Variants in AGL observed in about 807,000 individuals in gnomAD.
AGL encodes amylo-alpha-1,6-glucosidase and 4-alpha-glucanotransferase.
A neutral mutation model predicts 199.3 loss-of-function variants in AGL; 128 were observed. That is an observed-to-expected ratio of 0.64 (90% CI 0.56 to 0.74). The LOEUF (loss-of-function observed/expected upper bound fraction) is 0.74, where lower values mean the gene tolerates loss of function less well. Ranked by LOEUF, AGL falls within the 30% of genes least tolerant of loss-of-function variation. The pLI is 0.00. For synonymous variants in AGL, 584 were observed against 594.7 expected, an observed-to-expected ratio of 0.98 and a Z score of 0.26; for missense variants, 1,809 against 1,820.8, an observed-to-expected ratio of 0.99 and a Z score of 0.12.
intron 2 of AGL, among the ~76,000 whole-genome samples, chr1:99,859,188 G>A (rs553448673): frequency 6.6e-6 from 1 of 152,148 alleles, no homozygotes; most frequent in Non-Finnish European, 1.5e-5. Flanking sequence ...AGTCATTCTT[G>A]TGAGATGTAA....
At chr1:99,899,628 T>G (rs913822167) in intron 25 of AGL, among the ~76,000 whole-genome samples, 1 of 150,630 alleles carries the variant, frequency 6.6e-6, no homozygotes, top group Non-Finnish European at 1.5e-5. Context: ...TTTCTTTTCT[T>G]TCTTTTTTTT....
At chr1:99,897,111 G>T (rs547194421) in intron 25 of AGL, among the ~76,000 whole-genome samples, 1 of 152,134 alleles carries the variant, frequency 6.6e-6, no homozygotes, top group Non-Finnish European at 1.5e-5. Flanking sequence ...CACCGTGCCC[G>T]GCCGTAAAAT....
chr1:99,909,115 G>A (rs779843138), intron 27 of AGL, among the ~76,000 whole-genome samples: 9 of 152,070 alleles, frequency 5.9e-5, no homozygotes, highest in Non-Finnish European at 1.2e-4. Flanking sequence ...ATGGAAATCC[G>A]GACTCTCCAC....
intron 2 of AGL, among the ~76,000 whole-genome samples, chr1:99,851,586 A>G (rs1023242058): frequency 1.3e-5 from 2 of 152,194 alleles, no homozygotes; most frequent in South Asian, 2.1e-4. Context: ...TTGTTTATGT[A>G]TATCAAAAAC....
intron 5 of AGL, among the ~76,000 whole-genome samples, chr1:99,865,868 T>A (rs1650460758): frequency 2.6e-5 from 4 of 152,198 alleles, no homozygotes. Context: ...AAGAAATAGG[T>A]ACATTCTAAA....
intron 25 of AGL, among the ~76,000 whole-genome samples, chr1:99,899,542 T>TCTCTCTCTCTCTCTCTCTCTCTCTCTCTC (rs1557778884): frequency 1.3e-5 from 1 of 75,674 alleles, no homozygotes; most frequent in South Asian, 4.9e-4. Context: ...CTCTCTCTCT[T>TCTCTCTCTCTCTCTCTCTCTCTCTCTCTC]TCTCTCTCTC....
intron 24 of AGL, among the ~76,000 whole-genome samples, chr1:99,895,460 T>C (rs1653225000): frequency 6.6e-6 from 1 of 152,286 alleles, no homozygotes; most frequent in Non-Finnish European, 1.5e-5. Context: ...TATAACACTT[T>C]TAAGTTGTTT....
In AGL at chr1:99,873,433, CTT is replaced by C. The variant is rs553707025; in HGVS notation, c.959-1237_959-1236del. The stretch of plus-strand genomic sequence containing the variant: ...TTTTCAAACATTTCTTGGCAGTGTT[CTT>C]TTTTTTTTTTTTTTTTGAGACAGAG... On this transcript the variant is annotated intron_variant, in intron 7 of 33. Transcript: ENST00000361915. 2.5e-3 allele frequency among the ~76,000 whole-genome samples: 332 copies of C among 131,086 alleles called. 2 individuals are homozygous for C. In the Middle Eastern group the frequency reaches 0.027, roughly 11 times the overall value. The allele number at this position is 131,086 out of a possible 152,430, so 86.0% of individuals were successfully genotyped here. A position where few individuals can be genotyped will look rare whatever the true frequency, so the allele number is the denominator to read the frequency against.
At position 99,921,260 on chromosome 1, in the gene AGL, A is replaced by G. The variant is rs141576159; in HGVS notation, c.4482-274A>G. Among the ~76,000 whole-genome samples, 2,550 of 152,270 alleles carry G rather than the reference A, an allele frequency of 0.017. 36 individuals are homozygous for G. The highest frequency in any genetic ancestry group is 0.029 in the South Asian group (141 of 4,826). On this transcript the variant is annotated intron_variant, in intron 33 of 33. Coordinates refer to ENST00000361915, the MANE Select transcript of AGL (RefSeq NM_000642.3). Reference sequence around the variant, plus strand: ...TATGCCTGAGAGAGTATTTATCTCTATGTTTATATGTAGCTTGTAATGGTA... The same window carrying G: ...TATGCCTGAGAGAGTATTTATCTCTGTGTTTATATGTAGCTTGTAATGGTA...
chr1:99,851,993 T>G (rs1345264713), intron 2 of AGL, among the ~76,000 whole-genome samples: 1 of 152,234 alleles, frequency 6.6e-6, no homozygotes, highest in African/African-American at 2.4e-5. Context: ...CTACTCCATT[T>G]TTGGCTTTCC....
intron 13 of AGL, 110 bp downstream of exon 13, chr1:99,880,156 T>C (rs1337003549): frequency 1.4e-6 from 2 of 1,461,918 alleles, no homozygotes; most frequent in Non-Finnish European, 1.9e-6. Flanking sequence ...ACACAGTTAA[T>C]GTTCTTCTAA....
At chr1:99,855,473 C>T (rs143536494) in intron 2 of AGL, among the ~76,000 whole-genome samples, 2,301 of 152,152 alleles carry the variant, frequency 0.015, 34 homozygotes, top group Middle Eastern at 0.088. Context: ...ATAGCTTTTT[C>T]GCTTATTTCC....
chr1:99,857,388 C>T (rs1012825855), intron 2 of AGL, among the ~76,000 whole-genome samples: 1 of 151,906 alleles, frequency 6.6e-6, no homozygotes, highest in Non-Finnish European at 1.5e-5. Context: ...GGCAGAGACG[C>T]TTCTCACTTC....
At chr1:99,892,392 G>A (rs556521272) in intron 23 of AGL, 40 bp from the exon 24 acceptor site, 9 of 1,585,748 alleles carry the variant, frequency 5.7e-6, no homozygotes, top group Admixed American at 1.7e-5. Context: ...GCTAAAAATT[G>A]TATTTCTACA....
At chr1:99,877,457 A>C (rs1049036572) in intron 11 of AGL, among the ~76,000 whole-genome samples, 184 bp from the exon 12 acceptor site, 7 of 152,200 alleles carry the variant, frequency 4.6e-5, no homozygotes, top group African/African-American at 1.7e-4. Flanking sequence ...TTTTCAGAAT[A>C]GCTATGAGAA....
rs530402620 is a variant in AGL at position 99,870,193 on chromosome 1, G to GA, written c.665-196dup. Among the ~76,000 whole-genome samples the GA allele has an allele frequency of 6.6e-4, 93 of 140,342 alleles. 1 individual carries two copies. The highest frequency in any genetic ancestry group is 1.9e-3 in the African/African-American group (75 of 38,540). 92.1% of individuals were successfully genotyped at this position (140,342 alleles called of 152,430 possible). Reference sequence around the variant, plus strand: ...GATTTTCTAAGCAGAATTAAAGTTAGAAAAAAAAAAAGTATGCTGAAGCGA... The same window carrying GA: ...GATTTTCTAAGCAGAATTAAAGTTAGAAAAAAAAAAAAGTATGCTGAAGCGA... On this transcript the variant is annotated intron_variant, in intron 5 of 33. Coordinates refer to ENST00000361915, the MANE Select transcript of AGL (RefSeq NM_000642.3).
At chr1:99,909,204 T>C (rs983646880) in intron 27 of AGL, among the ~76,000 whole-genome samples, 60 of 152,006 alleles carry the variant, frequency 3.9e-4, no homozygotes, top group African/African-American at 1.4e-3. Flanking sequence ...GGTGGAAGTC[T>C]ATACTCCCCA....
In AGL at chr1:99,881,263, T is replaced by C. The variant is rs1369967489; in HGVS notation, c.2002-29T>C. The C allele has an allele frequency of 2.5e-6, 4 of 1,613,940 alleles. No individual in the cohort carries two copies. The East Asian group carries it at 6.7e-5, about 27-fold the overall frequency. The stretch of plus-strand genomic sequence containing the variant: ...AAAAAAATTCATTGTAATTAAGATG[T>C]ATCCATGCTAAATTTTACCTTTGTC... On this transcript the variant is annotated intron_variant, in intron 15 of 33. Transcript: ENST00000361915.
At chr1:99,874,527 A>G (rs1308389626) in intron 7 of AGL, 160 bp from the exon 8 acceptor site, 4 of 712,380 alleles carry the variant, frequency 5.6e-6, no homozygotes, top group African/African-American at 1.8e-5. Context: ...ACACGTGCAC[A>G]CAGCAGGATG....
Sources: allele counts gnomAD v4.1 joint callset (sites outside exome capture counted in the v4.1 genomes callset), GRCh38; gene constraint gnomAD v4.1.1; transcripts MANE v1.5; gene names NCBI Gene and HGNC (gene_info 2026-07-23, HGNC 2026-07-21).